The following FHIT variants were observed in gnomAD, a reference collection of about 807,000 sequenced individuals.
The protein encoded by FHIT is bis(5'-adenosyl)-triphosphatase.
A neutral mutation model predicts 17.9 loss-of-function variants in FHIT; 19 were observed. The observed-to-expected ratio is 1.06, with a 90% CI of 0.74 to 1.56. The LOEUF is 1.56. Ranked by LOEUF, FHIT falls within the 40% of genes most tolerant of loss-of-function variation. The probability of loss-of-function intolerance (pLI) is 0.00; values close to 1 mark genes in which losing one functional copy is unlikely to be tolerated. For synonymous variants in FHIT, 81 were observed against 69.7 expected (o/e 1.16, Z -0.81); for missense variants, 248 against 189.2 (o/e 1.31, Z -1.82).
chr3:60,125,400 G>A (rs1705495028), intron 5 of FHIT, among the ~76,000 whole-genome samples: 1 of 152,118 alleles, frequency 6.6e-6, no homozygotes, highest in Non-Finnish European at 1.5e-5. Flanking sequence ...GGGAGGCTGA[G>A]GCGGTCGGAT....
At chr3:60,240,189 T>A (rs1432278035) in intron 5 of FHIT, among the ~76,000 whole-genome samples, 1 of 152,132 alleles carries the variant, frequency 6.6e-6, no homozygotes, top group Non-Finnish European at 1.5e-5. Context: ...AACTATAAAA[T>A]GGGTTCCAGT....
At chr3:60,025,691 A>G (rs73840516) in intron 5 of FHIT, among the ~76,000 whole-genome samples, 4,172 of 152,108 alleles carry the variant, frequency 0.027, 195 homozygotes, top group African/African-American at 0.095. Flanking sequence ...TTAAAGAATA[A>G]GCTAAATCAT....
chr3:60,561,340 C>A (rs1486896537), intron 4 of FHIT, among the ~76,000 whole-genome samples: 3 of 152,094 alleles, frequency 2.0e-5, no homozygotes, highest in Admixed American at 2.0e-4. Context: ...CCAAGACACA[C>A]TCAACAAATT....
chr3:59,992,433 A>G (rs17320006), intron 7 of FHIT, among the ~76,000 whole-genome samples: 14,892 of 152,150 alleles, frequency 0.098, 988 homozygotes, highest in South Asian at 0.2. Context: ...TGGACCGATA[A>G]GTACAGTCTT....
intron 2 of FHIT, among the ~76,000 whole-genome samples, chr3:61,044,031 C>T (rs896357752): frequency 2.6e-5 from 4 of 152,120 alleles, no homozygotes; most frequent in African/African-American, 9.7e-5. Context: ...TGGGGAGAAA[C>T]CAGAGTAGAA....
At chr3:60,287,578 C>T (rs959089620) in intron 5 of FHIT, among the ~76,000 whole-genome samples, 2 of 152,124 alleles carry the variant, frequency 1.3e-5, no homozygotes, top group Non-Finnish European at 2.9e-5. Flanking sequence ...ATATTAAGTG[C>T]TTAATAAATT....
intron 5 of FHIT, among the ~76,000 whole-genome samples, chr3:60,468,295 A>T (rs1244802812): frequency 6.6e-6 from 1 of 152,036 alleles, no homozygotes; most frequent in East Asian, 1.9e-4. Flanking sequence ...TTTACATTCA[A>T]TGTTATTATT....
chr3:60,114,667 T>G (rs983127031), intron 5 of FHIT, among the ~76,000 whole-genome samples: 2 of 151,740 alleles, frequency 1.3e-5, no homozygotes, highest in African/African-American at 2.4e-5. Flanking sequence ...CTAATTTTTG[T>G]ATTTTTTCTA....
intron 5 of FHIT, among the ~76,000 whole-genome samples, chr3:60,320,302 T>C (rs998898105): frequency 2.4e-4 from 36 of 152,268 alleles, no homozygotes; most frequent in Admixed American, 2.3e-3. Flanking sequence ...TGGCGCAGGA[T>C]AGCGGCAGCG....
intron 3 of FHIT, among the ~76,000 whole-genome samples, chr3:60,973,504 C>T (rs945853850): frequency 5.9e-5 from 9 of 152,154 alleles, no homozygotes; most frequent in African/African-American, 1.9e-4. Context: ...GGCTCCTTTC[C>T]TCTGGGATCT....
intron 4 of FHIT, among the ~76,000 whole-genome samples, chr3:60,631,178 G>A (rs994512314): frequency 4.6e-5 from 7 of 152,242 alleles, no homozygotes; most frequent in Admixed American, 1.3e-4. Context: ...CTCCTCCTCT[G>A]TAGACTTCTA....
At chr3:60,456,914 C>T (rs1328214300) in intron 5 of FHIT, among the ~76,000 whole-genome samples, 1 of 152,216 alleles carries the variant, frequency 6.6e-6, no homozygotes, top group Non-Finnish European at 1.5e-5. Context: ...CAAACCACTG[C>T]TCAATGAAAT....
chr3:60,777,496 T>C (rs1161450510), intron 4 of FHIT, among the ~76,000 whole-genome samples: 1 of 152,198 alleles, frequency 6.6e-6, no homozygotes, highest in Non-Finnish European at 1.5e-5. Context: ...GAGGAAGCTC[T>C]CAGATAGCAG....
chr3:60,267,598 T>C (rs962555457), intron 5 of FHIT, among the ~76,000 whole-genome samples: 1 of 152,158 alleles, frequency 6.6e-6, no homozygotes, highest in African/African-American at 2.4e-5. Context: ...CAATTACCAC[T>C]ATAAAATCCC....
At position 61,200,264 on chromosome 3, in the gene FHIT, G is replaced by C. The variant is rs763268510; in HGVS notation, c.-164+353C>G. On this transcript the variant is annotated intron_variant, in intron 2 of 9. Transcript: ENST00000492590. The stretch of plus-strand genomic sequence containing the variant: ...GCATTTTATTTTAAATGCTTTATTT[G>C]GCCAGCTAGTTTTATTTAACTATTG... Among the ~76,000 whole-genome samples, 67 of 152,090 alleles carry C rather than the reference G, an allele frequency of 4.4e-4. 1 individual carries two copies. Among genetic ancestry groups the C allele is most frequent in the Non-Finnish European group, 4.0e-4 (27 of 68,006 alleles).
intron 3 of FHIT, among the ~76,000 whole-genome samples, chr3:60,936,987 T>A (rs1330827545): frequency 7.7e-5 from 9 of 116,274 alleles, no homozygotes; most frequent in African/African-American, 2.4e-4. Context: ...CAAAGGGATG[T>A]AATCAACACT....
intron 3 of FHIT, among the ~76,000 whole-genome samples, chr3:60,957,761 C>G (rs973540822): frequency 3.3e-5 from 5 of 152,156 alleles, no homozygotes; most frequent in African/African-American, 1.2e-4. Context: ...GCAAATGTCC[C>G]TTTACAAAGC....
chr3:59,979,104 C>G (rs186821608), intron 7 of FHIT, among the ~76,000 whole-genome samples: 3 of 152,122 alleles, frequency 2.0e-5, no homozygotes, highest in Non-Finnish European at 2.9e-5. Flanking sequence ...TATTGAACAT[C>G]TGAAGACTGT....
intron 5 of FHIT, among the ~76,000 whole-genome samples, chr3:60,265,840 A>G (rs1706546169): frequency 6.6e-6 from 1 of 151,980 alleles, no homozygotes; most frequent in Admixed American, 6.6e-5. Context: ...CAGCATTAAA[A>G]GCCATCAGAG....
Sources: allele counts gnomAD v4.1 joint callset (sites outside exome capture counted in the v4.1 genomes callset), GRCh38; gene constraint gnomAD v4.1.1; transcripts MANE v1.5; gene names NCBI Gene and HGNC (gene_info 2026-07-23, HGNC 2026-07-21).